Variants in WWOX observed in about 807,000 individuals in gnomAD.
WWOX encodes WW domain-containing oxidoreductase.
A neutral mutation model predicts 46.2 loss-of-function variants in WWOX; 69 were observed. The observed-to-expected ratio is 1.49, with a 90% CI of 1.23 to 1.82. WWOX has a LOEUF of 1.82. Among genes scored for constraint, WWOX ranks in the 40% most tolerant of loss-of-function variants. WWOX has a pLI of 0.00. For missense variants in WWOX, 919 were observed against 542.6 expected, an observed-to-expected ratio of 1.69 and a Z score of -6.89; for synonymous variants, 359 against 202.6, an observed-to-expected ratio of 1.77 and a Z score of -6.56.
At chr16:78,215,284 G>A (rs1381947241) in intron 5 of WWOX, among the ~76,000 whole-genome samples, 1 of 152,124 alleles carries the variant, frequency 6.6e-6, no homozygotes, top group African/African-American at 2.4e-5. Flanking sequence ...GGTATGGTTT[G>A]GCTGTGTCCC....
rs1383472627 is a variant in WWOX, at chr16:78,349,037, G to C, written c.517-37823G>C. ...CAAAATACCACAGGCTGGATAACTT[G>C]AACAACAAAAATACATTTTCTCATA... On this transcript the variant is annotated intron_variant, in intron 5 of 8. Transcript: ENST00000566780. Among the ~76,000 whole-genome samples the C allele has an allele frequency of 1.7e-5, 2 of 119,894 alleles. 1 individual carries two copies. Among genetic ancestry groups the C allele is most frequent in the Non-Finnish European group, 4.0e-5 (2 of 50,338 alleles). The allele number at this position is 119,894 out of a possible 152,430, so 78.7% of individuals were successfully genotyped here. A position where few individuals can be genotyped will look rare whatever the true frequency, so the allele number is the denominator to read the frequency against.
chr16:78,520,683 A>G (rs1403430871), intron 8 of WWOX, among the ~76,000 whole-genome samples: 1 of 151,978 alleles, frequency 6.6e-6, no homozygotes, highest in Non-Finnish European at 1.5e-5. Context: ...TATGAAGTCT[A>G]GGGTACGTGG....
intron 8 of WWOX, among the ~76,000 whole-genome samples, chr16:78,968,051 G>C (rs889070367): frequency 3.1e-4 from 47 of 152,000 alleles, no homozygotes; most frequent in Non-Finnish European, 5.9e-4. Context: ...TGCATGGTCT[G>C]CATGGCACAG....
chr16:78,393,039 C>A (rs1296727302), intron 6 of WWOX, among the ~76,000 whole-genome samples: 1 of 152,118 alleles, frequency 6.6e-6, no homozygotes, highest in Non-Finnish European at 1.5e-5. Context: ...CAAACCAAAG[C>A]CTGTGGTAAG....
intron 6 of WWOX, among the ~76,000 whole-genome samples, chr16:78,410,046 C>G (rs1486211678): frequency 6.6e-6 from 1 of 152,136 alleles, no homozygotes; most frequent in East Asian, 1.9e-4. Flanking sequence ...GGGTGGAACC[C>G]TCATGCATGA....
intron 8 of WWOX, among the ~76,000 whole-genome samples, chr16:78,670,060 A>G (rs934689989): frequency 2.6e-5 from 4 of 152,140 alleles, no homozygotes; most frequent in Admixed American, 1.3e-4. Context: ...AATGGTGGCC[A>G]AGAATTTTAA....
chr16:78,734,996 A>G (rs1295830797), intron 8 of WWOX, among the ~76,000 whole-genome samples: 1 of 150,782 alleles, frequency 6.6e-6, no homozygotes, highest in Non-Finnish European at 1.5e-5. Flanking sequence ...CTTCCCGAGT[A>G]GCTGGGATTA....
At chr16:78,106,831 T>C (rs368216593) in intron 1 of WWOX, among the ~76,000 whole-genome samples, 1 of 152,154 alleles carries the variant, frequency 6.6e-6, no homozygotes. Context: ...CTCCAAGCAC[T>C]GTCACAGGTG....
At chr16:78,491,696 C>G (rs1187602687) in intron 8 of WWOX, among the ~76,000 whole-genome samples, 1 of 152,104 alleles carries the variant, frequency 6.6e-6, no homozygotes, top group African/African-American at 2.4e-5. Context: ...ATTACAGAAT[C>G]CCATCAAAAT....
chr16:78,850,161 TGA>T (rs1218526176), intron 8 of WWOX, among the ~76,000 whole-genome samples: 2 of 152,068 alleles, frequency 1.3e-5, no homozygotes, highest in African/African-American at 2.4e-5. Context: ...TGAGTGTGTG[TGA>T]GTGTGTGTGT....
chr16:78,650,274 T>A (rs763563052), intron 8 of WWOX, among the ~76,000 whole-genome samples: 22 of 152,240 alleles, frequency 1.4e-4, no homozygotes, highest in Non-Finnish European at 2.9e-4. Context: ...ACTTTGAAGA[T>A]GAAGAAGTAT....
chr16:78,882,414 C>T (rs2044361803), intron 8 of WWOX, among the ~76,000 whole-genome samples: 1 of 152,012 alleles, frequency 6.6e-6, no homozygotes. Context: ...ACCTGTGCCT[C>T]CCATTAAATC....
intron 8 of WWOX, among the ~76,000 whole-genome samples, chr16:78,654,171 T>A (rs2047028669): frequency 6.6e-6 from 1 of 152,200 alleles, no homozygotes. Context: ...AAGTGTGAGT[T>A]CAAATTGCCT....
chr16:78,328,402 A>G (rs1162325809), intron 5 of WWOX, among the ~76,000 whole-genome samples: 1 of 152,200 alleles, frequency 6.6e-6, no homozygotes, highest in Non-Finnish European at 1.5e-5. Context: ...CCTTCAACAC[A>G]TACTTGGATT....
At chr16:79,005,271 C>T (rs751351918) in intron 8 of WWOX, among the ~76,000 whole-genome samples, 8 of 152,136 alleles carry the variant, frequency 5.3e-5, no homozygotes, top group Admixed American at 1.3e-4. Flanking sequence ...CAGCCAAAGT[C>T]CAAGGTTCCT....
chr16:78,331,666 A>G (rs149158309), intron 5 of WWOX, among the ~76,000 whole-genome samples: 1 of 152,320 alleles, frequency 6.6e-6, no homozygotes, highest in Non-Finnish European at 1.5e-5. Flanking sequence ...TGATGACTGT[A>G]AATGACACAG....
At chr16:78,882,261 C>CAATT (rs2044358444) in intron 8 of WWOX, among the ~76,000 whole-genome samples, 1 of 152,304 alleles carries the variant, frequency 6.6e-6, no homozygotes, top group African/African-American at 2.4e-5. Context: ...AAGTCTTTGA[C>CAATT]AATTATACCT....
chr16:78,854,319 C>G (rs1021960496), intron 8 of WWOX, among the ~76,000 whole-genome samples: 3 of 152,092 alleles, frequency 2.0e-5, no homozygotes, highest in Admixed American at 2.0e-4. Flanking sequence ...TGCAGTTTAT[C>G]AAATAGAATT....
chr16:78,292,063 C>CTTT (rs5818123), intron 5 of WWOX, among the ~76,000 whole-genome samples: 3 of 136,954 alleles, frequency 2.2e-5, no homozygotes, highest in East Asian at 4.3e-4. Context: ...TGATTTTTAC[C>CTTT]TTTTTTTTTT....
Sources: allele counts gnomAD v4.1 joint callset (sites outside exome capture counted in the v4.1 genomes callset), GRCh38; gene constraint gnomAD v4.1.1; transcripts MANE v1.5; gene names NCBI Gene and HGNC (gene_info 2026-07-23, HGNC 2026-07-21).